The following L3MBTL2 variants were observed in gnomAD, a reference collection of about 807,000 sequenced individuals.
The protein encoded by L3MBTL2 is lethal(3)malignant brain tumor-like protein 2.
A neutral mutation model predicts 86.4 loss-of-function variants in L3MBTL2; 49 were observed. The observed-to-expected ratio is 0.57, with a 90% confidence interval of 0.45 to 0.72. The LOEUF (loss-of-function observed/expected upper bound fraction) is 0.72, where lower values mean the gene tolerates loss of function less well. Among genes scored for constraint, L3MBTL2 ranks in the 30% least tolerant of loss-of-function variants. The pLI is 0.00. For synonymous variants in L3MBTL2, 336 were observed against 350.6 expected (o/e 0.96, Z 0.47); for missense variants, 755 against 923.7 (o/e 0.82, Z 2.37).
In L3MBTL2 at chr22:41,227,772, T is replaced by G; in HGVS notation, c.1823-32T>G. The G allele has an allele frequency of 1.2e-6, 2 of 1,613,292 alleles. No homozygotes were observed. Among genetic ancestry groups the G allele is most frequent in the Non-Finnish European group, 1.7e-6 (2 of 1,179,662 alleles). On this transcript the variant is annotated intron_variant, in intron 14 of 16. Coordinates refer to ENST00000216237, the MANE Select transcript of L3MBTL2 (RefSeq NM_031488.5). The surrounding 1 kb of genome is among the most constrained non-coding windows in gnomAD (Gnocchi z 6.0). ...CTGTGTCCTCCCAGGGACCCTCTTCTCATCTCTTTCACCCTTGTCTTTCAA... is the reference window on the plus strand; with the variant it reads ...CTGTGTCCTCCCAGGGACCCTCTTCGCATCTCTTTCACCCTTGTCTTTCAA...
rs775118174 is a variant in L3MBTL2 at position 41,230,184 on chromosome 22, CCGA to C, written c.2053_2055del (p.Asp685del). The C allele has an allele frequency of 1.2e-6, 2 of 1,613,528 alleles. No homozygotes were observed. The highest frequency in any genetic ancestry group is 1.7e-6 in the Non-Finnish European group (2 of 1,179,928). ...GAAGAGCATCTAGACGTGGCCTCGC[CCGA>C]CAAGGCTTCAAGTCCAGAGCTGCCT... On this transcript the variant is annotated inframe_deletion, in exon 17 of 17. Coordinates refer to ENST00000216237, the MANE Select transcript of L3MBTL2 (RefSeq NM_031488.5).
At chr22:41,210,140 TTTC>T in intron 2 of L3MBTL2, 3 of 421,124 alleles carry the variant, frequency 7.1e-6, no homozygotes, top group Non-Finnish European at 1.2e-5. Flanking sequence ...TGAAGTCTAA[TTTC>T]TTTTTTTTTT....
In L3MBTL2 at chr22:41,224,781, G is replaced by A. The variant is rs141102760; in HGVS notation, c.1231G>A (p.Val411Ile). 145 of 1,613,486 alleles carry A rather than the reference G, an allele frequency of 9.0e-5. 1 individual carries two copies. Among genetic ancestry groups the A allele is most frequent in the Middle Eastern group, 3.3e-4 (2 of 6,078 alleles). ...CTTCCGGAAGATCTACTGTGATGCC[G>A]TTCCTTACCTCTTCAAGAAGGTGAG... is the stretch of plus-strand genomic sequence containing the variant. ...PTFRKIYCDA[V>I]PYLFKKVRAV... Residue 411 changes from valine to isoleucine, a missense_variant, in exon 10 of 17, where the codon GTT becomes ATT. This residue lies in a region of L3MBTL2 where 634 missense variants were observed against 748.9 expected (regional missense o/e 0.85). Coordinates refer to ENST00000216237, the MANE Select transcript of L3MBTL2 (RefSeq NM_031488.5). The surrounding 1 kb of genome is among the most constrained non-coding windows in gnomAD (Gnocchi z 4.9).
In L3MBTL2 at chr22:41,227,398, C is replaced by A; in HGVS notation, c.1822+75C>A. 1 of 1,401,956 alleles carries A rather than the reference C, an allele frequency of 7.1e-7. No individual in the cohort carries two copies. The highest frequency in any genetic ancestry group is 9.9e-7 in the Non-Finnish European group (1 of 1,013,554). 86.8% of individuals were successfully genotyped at this position (1,401,956 alleles called of 1,614,324 possible). ...TTTTCCTTCTTCCCCCGCCCCTGTG[C>A]CCATCTCCGTTCTTTGGCATGAGGT... On this transcript the variant is annotated intron_variant, in intron 14 of 16. Transcript: ENST00000216237. The surrounding 1 kb of genome is among the most constrained non-coding windows in gnomAD (Gnocchi z 6.0).
chr22:41,208,397 TGGGATTACAGA>T (rs2030424217), intron 1 of L3MBTL2: 1 of 408,176 alleles, frequency 2.4e-6, no homozygotes, highest in Admixed American at 2.8e-5. Context: ...CCCAAAGTGC[TGGGATTACAGA>T]TGTGAACCAC....
chr22:41,217,664 G>A (rs1448544498), intron 5 of L3MBTL2: 2 of 164,832 alleles, frequency 1.2e-5, no homozygotes, highest in African/African-American at 2.4e-5. Context: ...AAGGCCCTTA[G>A]GGGCGGGGCT....
At position 41,227,818 on chromosome 22, in the gene L3MBTL2, C is replaced by T. The variant is rs531086281; in HGVS notation, c.1837C>T (p.Leu613=). Reference sequence around the variant, plus strand: ...TTCAACAACAGAACCGGCCACACCGCTGAAGGCCAAAGAGGCCACAAAGAA... The same window carrying T: ...TTCAACAACAGAACCGGCCACACCGTTGAAGGCCAAAGAGGCCACAAAGAA... The part of the protein sequence containing the change: ...PPVAAEPATP[L]KAKEATKKKK... The change falls in exon 15 of 17, where the codon CTG becomes TTG. Residue 613 remains leucine, a synonymous_variant. Transcript: ENST00000216237. This position sits in a 1 kb window ranked among gnomAD's most constrained non-coding sequence, Gnocchi z 6.0. 6.2e-7 allele frequency: 1 copy of T among 1,613,910 alleles called. No homozygotes were observed. The highest frequency in any genetic ancestry group is 1.1e-5 in the South Asian group (1 of 91,046).
At chr22:41,208,449 A>G in intron 1 of L3MBTL2, 1 of 308,994 alleles carries the variant, frequency 3.2e-6, no homozygotes, top group South Asian at 2.4e-5. Flanking sequence ...GTTTTCTGTT[A>G]CATGCTGGGT....
intron 15 of L3MBTL2, chr22:41,228,121 A>G (rs1340516157): frequency 1.0e-6 from 1 of 985,328 alleles, no homozygotes; most frequent in African/African-American, 1.7e-5. Flanking sequence ...GTGCTGAGGA[A>G]AAGAGGTAAG....
intron 15 of L3MBTL2, chr22:41,228,288 G>A: frequency 1.0e-6 from 1 of 985,460 alleles, no homozygotes; most frequent in Non-Finnish European, 1.2e-6. Flanking sequence ...AGACCTCTTT[G>A]AGGGTGGGAG....
chr22:41,219,213 A>G (rs535896893), intron 5 of L3MBTL2: 14 of 484,912 alleles, frequency 2.9e-5, no homozygotes, highest in East Asian at 2.6e-4. Context: ...ATCACCCTGC[A>G]TCCCACCACC....
intron 8 of L3MBTL2, among the ~76,000 whole-genome samples, chr22:41,223,323 C>T (rs113697020): frequency 6.6e-6 from 1 of 152,328 alleles, no homozygotes; most frequent in Non-Finnish European, 1.5e-5. Flanking sequence ...CTGTTCCCTG[C>T]CCCAGGCAGG....
chr22:41,225,225 C>T lies in L3MBTL2; in HGVS notation c.1356+154C>T, dbSNP rs538356926. ...GAGTCCCTGACTTTTGTGAGTGGGG[C>T]CTGGCCTGCCCCTTGCTCAGAATCT... is the stretch of plus-strand genomic sequence containing the variant. On this transcript the variant is annotated intron_variant, in intron 11 of 16. Coordinates refer to ENST00000216237, the MANE Select transcript of L3MBTL2 (RefSeq NM_031488.5). The surrounding 1 kb of genome is among the most constrained non-coding windows in gnomAD (Gnocchi z 4.1). 1.3e-5 allele frequency among the ~76,000 whole-genome samples: 2 copies of T among 152,204 alleles called. No homozygotes were observed. The highest frequency in any genetic ancestry group is 2.4e-5 in the African/African-American group (1 of 41,446).
At chr22:41,221,640 T>C (rs1446263966) in intron 8 of L3MBTL2, among the ~76,000 whole-genome samples, 1 of 152,244 alleles carries the variant, frequency 6.6e-6, no homozygotes, top group Non-Finnish European at 1.5e-5. Context: ...GGAGTCTCGC[T>C]CTGTCCCCCA....
Position 41,224,732 on chromosome 22 carries a change from A to C in L3MBTL2, c.1182A>C (p.Arg394=). 1 of 1,613,338 alleles carries C rather than the reference A, an allele frequency of 6.2e-7. No homozygotes were observed. The change falls in exon 10 of 17, where the codon CGA becomes CGC. Residue 394 remains arginine, a synonymous_variant. Transcript: ENST00000216237. This position sits in a 1 kb window ranked among gnomAD's most constrained non-coding sequence, Gnocchi z 4.9. ...VGHGIKMSER[R]SDMAHHPTFR... is the part of the protein sequence containing the mutation. The stretch of plus-strand genomic sequence containing the variant: ...TATCCATCTCCTCCAAAGAGAGGCG[A>C]AGTGACATGGCCCATCACCCCACCT...
Position 41,227,850 on chromosome 22 carries a change from G to C in L3MBTL2, c.1869G>C (p.Lys623Asn), listed in dbSNP as rs1251171816. Residue 623 changes from lysine to asparagine, a missense_variant, in exon 15 of 17, where the codon AAG becomes AAC. Around this residue, in one of 3 missense-constraint regions of L3MBTL2, gnomAD observed 634 missense variants for 748.9 expected, o/e 0.85. Coordinates refer to ENST00000216237, the MANE Select transcript of L3MBTL2 (RefSeq NM_031488.5). This position sits in a 1 kb window ranked among gnomAD's most constrained non-coding sequence, Gnocchi z 6.0. ...CCAAAGAGGCCACAAAGAAGAAAAA[G>C]AAACAGTTTGGGAAGAAAAGTAAGT... is the stretch of plus-strand genomic sequence containing the variant. The part of the protein sequence containing the change: ...LKAKEATKKK[K>N]KQFGKKRKRI... 1 of 1,612,434 alleles carries C rather than the reference G, an allele frequency of 6.2e-7. No individual in the cohort carries two copies. Among genetic ancestry groups the C allele is most frequent in the Admixed American group, 1.7e-5 (1 of 59,968 alleles).
At chr22:41,215,077 A>T (rs959772799) in intron 3 of L3MBTL2, among the ~76,000 whole-genome samples, 1 of 152,118 alleles carries the variant, frequency 6.6e-6, no homozygotes, top group Non-Finnish European at 1.5e-5. Context: ...CTGGACAGAG[A>T]TTGGAAGAGC....
rs142256697 is a variant in L3MBTL2 at position 41,227,320 on chromosome 22, G to A, written c.1819G>A (p.Ala607Thr). 47 of 1,594,162 alleles carry A rather than the reference G, an allele frequency of 2.9e-5. No individual in the cohort carries two copies. The highest frequency in any genetic ancestry group is 9.4e-5 in the African/African-American group (7 of 74,446). The part of the protein sequence containing the change: ...TGYQLQPPVA[A>T]EPATPLKAKE... ...CTACCAGCTCCAGCCTCCTGTGGCC[G>A]CAGGTGTGGGCTCTCGTGGCCCTAA... Residue 607 changes from alanine to threonine, a missense_variant, in exon 14 of 17, where the codon GCA becomes ACA. Physicochemically the swap from Ala to Thr is moderately conservative, Grantham distance 58. This residue lies in a region of L3MBTL2 where 634 missense variants were observed against 748.9 expected (regional missense o/e 0.85). Coordinates refer to ENST00000216237, the MANE Select transcript of L3MBTL2 (RefSeq NM_031488.5). This position sits in a 1 kb window ranked among gnomAD's most constrained non-coding sequence, Gnocchi z 6.0.
rs765322989 is a variant in L3MBTL2 at position 41,227,214 on chromosome 22, C to T, written c.1713C>T (p.Asp571=). ...VVHRLLSIHF[D]GWDSEYDQWV... ...ATCGGCTCCTCAGCATCCACTTTGACGGCTGGGACAGCGAGTACGACCAGT... is the reference window on the plus strand; with the variant it reads ...ATCGGCTCCTCAGCATCCACTTTGATGGCTGGGACAGCGAGTACGACCAGT... Residue 571 remains aspartate, a synonymous_variant, in exon 14 of 17, where the codon GAC becomes GAT. Coordinates refer to ENST00000216237, the MANE Select transcript of L3MBTL2 (RefSeq NM_031488.5). The surrounding 1 kb of genome is among the most constrained non-coding windows in gnomAD (Gnocchi z 6.0). 25 of 1,613,444 alleles carry T rather than the reference C, an allele frequency of 1.5e-5. No individual in the cohort carries two copies. Among genetic ancestry groups the T allele is most frequent in the African/African-American group, 5.3e-5 (4 of 74,936 alleles).
Sources: gnomAD v4.1 joint callset for allele counts (sites outside exome capture counted in the v4.1 genomes callset) on GRCh38, gnomAD v4.1.1 for gene constraint, gnomAD v4.1.1 regional missense constraint, Gnocchi (gnomAD v3.1) non-coding constraint, MANE v1.5 for transcripts, NCBI Gene and HGNC (gene_info 2026-07-23, HGNC 2026-07-21) for gene names.